Variants in ZAR1L observed in about 807,000 individuals in gnomAD.
The protein encoded by ZAR1L is protein ZAR1-like.
ZAR1L carries 16 observed loss-of-function variants against 30.0 expected under a neutral mutation model. That is an observed-to-expected ratio of 0.53 (90% CI 0.36 to 0.81). The LOEUF is 0.81. Among genes scored for constraint, ZAR1L ranks in the 30% least tolerant of loss-of-function variants. The probability of loss-of-function intolerance (pLI) is 0.00; values close to 1 mark genes in which losing one functional copy is unlikely to be tolerated. For missense variants in ZAR1L, 392 were observed against 417.2 expected (o/e 0.94, Z 0.53); for synonymous variants, 197 against 166.8 (o/e 1.18, Z -1.40).
Position 32,311,815 on chromosome 13 carries a change from A to G in ZAR1L, c.111T>C (p.Asn37=). ...SGHKQPDWRQ[N]MGPPTFLARP... is the part of the protein sequence containing the mutation. ...TGGCCAGAAAAGTGGGAGGACCCAT[A>G]TTTTGCCTCCAGTCGGGCTGTTTGT... The change falls in exon 3 of 6, where the codon AAT becomes AAC. Residue 37 remains asparagine (N), a synonymous_variant. Transcript: ENST00000533490. 6.4e-7 allele frequency: 1 copy of G among 1,551,550 alleles called. No homozygotes were observed. Among genetic ancestry groups the G allele is most frequent in the East Asian group, 2.4e-5 (1 of 40,902 alleles).
At chr13:32,307,588 T>A (rs2072185653) in intron 5 of ZAR1L, among the ~76,000 whole-genome samples, 1 of 128,582 alleles carries the variant, frequency 7.8e-6, no homozygotes, top group African/African-American at 3.0e-5. Context: ...ATGGTAACCA[T>A]CAAAAGGACA....
intron 2 of ZAR1L, 110 bp downstream of exon 2, chr13:32,314,214 ATTAGAC>A (rs3072036): frequency 0.38 from 57,462 of 151,710 alleles, 11,018 homozygotes; most frequent in East Asian, 0.49. Flanking sequence ...TTCTTTGCGA[ATTAGAC>A]TTAGAGCAAA....
intron 5 of ZAR1L, among the ~76,000 whole-genome samples, chr13:32,308,128 G>T (rs1350082218): frequency 6.6e-6 from 1 of 152,170 alleles, no homozygotes; most frequent in Non-Finnish European, 1.5e-5. Context: ...TATAGAAAAA[G>T]AAGAAATGTT....
Position 32,311,941 on chromosome 13 carries a change from C to G in ZAR1L, c.-16G>C, listed in dbSNP as rs1380669429. 5 of 1,533,396 alleles carry G rather than the reference C, an allele frequency of 3.3e-6. No homozygotes were observed. The highest frequency in any genetic ancestry group is 4.4e-6 in the Non-Finnish European group (5 of 1,137,332). The allele number at this position is 1,533,396 out of a possible 1,614,324, so 95.0% of individuals were successfully genotyped here. On this transcript the variant is annotated 5_prime_UTR_variant, in exon 3 of 6. It removes the in-frame stop codon of an upstream open reading frame in the 5' UTR. Transcript: ENST00000533490. ...AGCGCTCCATCCGCTCTCAGGTGCT[C>G]AGGCGCAGTCTAATATCCTAGCCAG...
intron 5 of ZAR1L, among the ~76,000 whole-genome samples, chr13:32,308,485 G>A (rs1349765512): frequency 6.6e-6 from 1 of 152,178 alleles, no homozygotes; most frequent in Non-Finnish European, 1.5e-5. Flanking sequence ...AAGGCAACTT[G>A]AAATAGTGAA....
Position 32,311,284 on chromosome 13 carries a change from C to A in ZAR1L, c.642G>T (p.Arg214Ser), listed in dbSNP as rs1417136067. The A allele has an allele frequency of 1.7e-5, 26 of 1,548,388 alleles. No homozygotes were observed. Among genetic ancestry groups the A allele is most frequent in the Non-Finnish European group, 2.3e-5 (26 of 1,145,648 alleles). ...PGDAASEPLR[R>S]PNFQFLEPKY... is the part of the protein sequence containing the mutation. ...AGAGAGGATCTACCTGGAAGTTGGGCCTCCGGAGCGGCTCGGAGGCGGCGT... is the reference window on the plus strand; with the variant it reads ...AGAGAGGATCTACCTGGAAGTTGGGACTCCGGAGCGGCTCGGAGGCGGCGT... Residue 214 changes from arginine to serine, a missense_variant, in exon 3 of 6, where the codon AGG (arginine) becomes AGT (serine). Arg to Ser is a moderately radical substitution (Grantham distance 110). Transcript: ENST00000533490.
chr13:32,312,617 C>A (rs528342644), intron 2 of ZAR1L, among the ~76,000 whole-genome samples: 24 of 152,208 alleles, frequency 1.6e-4, no homozygotes, highest in African/African-American at 5.8e-4. Flanking sequence ...GTGGCTCACA[C>A]CTGTAATCCC....
intron 5 of ZAR1L, among the ~76,000 whole-genome samples, chr13:32,307,310 C>G (rs531981269): frequency 1.8e-4 from 27 of 151,826 alleles, no homozygotes; most frequent in African/African-American, 5.6e-4. Context: ...ACCAGCCTGG[C>G]CAACATAGTG....
In ZAR1L at chr13:32,311,519, G is replaced by A; in HGVS notation, c.407C>T (p.Ala136Val). The A allele has an allele frequency of 6.5e-7, 1 of 1,536,658 alleles. No individual in the cohort carries two copies. Among genetic ancestry groups the A allele is most frequent in the South Asian group, 1.2e-5 (1 of 83,294 alleles). ...PLPACGVTSP[A>V]TGRRGLIRLR... ...GCGGATCAAGCCCCTGCGGCCGGTG[G>A]CGGGCGAAGTGACCCCACAGGCTGG... is the stretch of plus-strand genomic sequence containing the variant. The change falls in exon 3 of 6, where the codon GCC becomes GTC. Residue 136 changes from alanine to valine, a missense_variant. Coordinates refer to ENST00000533490, the MANE Select transcript of ZAR1L (RefSeq NM_001136571.2).
At chr13:32,305,178 T>A (rs1358814981) in intron 5 of ZAR1L, among the ~76,000 whole-genome samples, 1 of 152,136 alleles carries the variant, frequency 6.6e-6, no homozygotes, top group African/African-American at 2.4e-5. Flanking sequence ...TAAACATTAT[T>A]TAATAAACTG....
rs1471325741 is a variant in ZAR1L, at chr13:32,311,291, A to C, written c.635T>G (p.Leu212Arg). The C allele has an allele frequency of 5.2e-6, 8 of 1,548,700 alleles. No homozygotes were observed. The highest frequency in any genetic ancestry group is 7.0e-6 in the Non-Finnish European group (8 of 1,145,974). The change falls in exon 3 of 6, where the codon CTC (leucine) becomes CGC (arginine). Residue 212 changes from leucine (L) to arginine (R), a missense_variant. By Grantham distance (102) the Leu-to-Arg change is moderately radical (BLOSUM62 -2). Coordinates refer to ENST00000533490, the MANE Select transcript of ZAR1L (RefSeq NM_001136571.2). ...ATCTACCTGGAAGTTGGGCCTCCGG[A>C]GCGGCTCGGAGGCGGCGTCTCCAGG... ...QVPGDAASEPLRRPNFQFLEP... is the reference protein window; with the variant it reads ...QVPGDAASEPRRRPNFQFLEP...
intron 2 of ZAR1L, among the ~76,000 whole-genome samples, chr13:32,313,158 C>T (rs76545136): frequency 2.2e-3 from 334 of 152,134 alleles, no homozygotes; most frequent in African/African-American, 7.2e-3. Context: ...TACAGCATAA[C>T]GACTACAGTT....
At chr13:32,310,361 C>A (rs1285729796) in intron 4 of ZAR1L, among the ~76,000 whole-genome samples, 1 of 152,346 alleles carries the variant, frequency 6.6e-6, no homozygotes. Context: ...AACTAAAAAA[C>A]GGTTAGAAAA....
Position 32,312,098 on chromosome 13 carries a change from T to C in ZAR1L, c.-168-5A>G, listed in dbSNP as rs2072218367. On this transcript the variant is annotated splice_region_variant and splice_polypyrimidine_tract_variant and intron_variant, in intron 2 of 5. Coordinates refer to ENST00000533490, the MANE Select transcript of ZAR1L (RefSeq NM_001136571.2). ...TGGGAGCTGCTGCTTATTACCCTGA[T>C]TGAGGGAGAGAAGCTCTATCTACAG... 4 of 771,722 alleles carry C rather than the reference T, an allele frequency of 5.2e-6. No individual in the cohort carries two copies. Among genetic ancestry groups the C allele is most frequent in the Non-Finnish European group, 7.9e-6 (4 of 503,872 alleles). The allele number at this position is 771,722 out of a possible 1,614,324, so 47.8% of individuals were successfully genotyped here.
Position 32,304,982 on chromosome 13 carries a change from G to T in ZAR1L, c.823-960C>A, listed in dbSNP as rs2072163435. On this transcript the variant is annotated intron_variant, in intron 5 of 5. Coordinates refer to ENST00000533490, the MANE Select transcript of ZAR1L (RefSeq NM_001136571.2). The stretch of plus-strand genomic sequence containing the variant: ...TCGCCACTATGCCCAGCTAATTTTT[G>T]TATTTTTTAGTAGAGATGGGGTTTC... Among the ~76,000 whole-genome samples the T allele has an allele frequency of 2.0e-5, 3 of 151,748 alleles. No individual in the cohort carries two copies. The South Asian group carries it at 6.2e-4, about 32-fold the overall frequency.
intron 4 of ZAR1L, among the ~76,000 whole-genome samples, chr13:32,309,387 T>C (rs1321969533): frequency 6.6e-6 from 1 of 152,232 alleles, no homozygotes; most frequent in African/African-American, 2.4e-5. Flanking sequence ...GGGAAGTGGC[T>C]GCCATACTTT....
intron 2 of ZAR1L, 63 bp from the exon 3 acceptor site, chr13:32,312,156 G>A (rs2072218722): frequency 2.0e-6 from 1 of 511,556 alleles, no homozygotes; most frequent in Non-Finnish European, 3.4e-6. Flanking sequence ...CTACCTAATT[G>A]CTTTTCCCTA....
intron 5 of ZAR1L, among the ~76,000 whole-genome samples, chr13:32,306,610 T>C (rs1044064708): frequency 6.6e-6 from 1 of 152,150 alleles, no homozygotes; most frequent in Non-Finnish European, 1.5e-5. Context: ...AGAAATTCTA[T>C]ATATACCCAG....
chr13:32,313,746 G>T (rs1173558897), intron 2 of ZAR1L, among the ~76,000 whole-genome samples: 1 of 152,188 alleles, frequency 6.6e-6, no homozygotes, highest in East Asian at 1.9e-4. Context: ...CACTAGAAGA[G>T]AATAGGTGAG....
Sources: allele counts gnomAD v4.1 joint callset (sites outside exome capture counted in the v4.1 genomes callset), GRCh38; gene constraint gnomAD v4.1.1; transcripts MANE v1.5; gene names NCBI Gene and HGNC (gene_info 2026-07-23, HGNC 2026-07-21).